The following VEGFC variants were observed in gnomAD, a reference collection of about 807,000 sequenced individuals.
VEGFC encodes vascular endothelial growth factor C.
In VEGFC, 12 loss-of-function variants were observed where a neutral mutation model predicts 46.1. That is an observed-to-expected ratio of 0.26 (90% CI 0.17 to 0.42). VEGFC has a LOEUF of 0.42. Ranked by LOEUF, VEGFC falls within the 10% of genes least tolerant of loss-of-function variation. VEGFC has a pLI of 1.00. For missense variants in VEGFC, 488 were observed against 529.4 expected, an observed-to-expected ratio of 0.92 and a Z score of 0.77; for synonymous variants, 232 against 195.5, an observed-to-expected ratio of 1.19 and a Z score of -1.56.
At chr4:176,753,379 G>A (rs1735371525) in intron 1 of VEGFC, among the ~76,000 whole-genome samples, 1 of 152,034 alleles carries the variant, frequency 6.6e-6, no homozygotes, top group Admixed American at 6.6e-5. Context: ...TGAGTCCATG[G>A]CAGCTGGAGT....
At position 176,693,348 on chromosome 4, in the gene VEGFC, G is replaced by A. The variant is rs1005774017; in HGVS notation, c.705-5421C>T. Among the ~76,000 whole-genome samples the A allele has an allele frequency of 1.0e-4, 14 of 135,822 alleles. 1 individual carries two copies. The highest frequency in any genetic ancestry group is 3.2e-4 in the African/African-American group (9 of 28,510). 89.1% of individuals were successfully genotyped at this position (135,822 alleles called of 152,430 possible). ...GAAGAATGCAGAAGCCTCAGGAGCC[G>A]ATGCAATCAACTGGAAGAAAGAGTA... On this transcript the variant is annotated intron_variant, in intron 4 of 6. Coordinates refer to ENST00000618562, the MANE Select transcript of VEGFC (RefSeq NM_005429.5).
At chr4:176,737,927 G>T (rs1735083934) in intron 1 of VEGFC, among the ~76,000 whole-genome samples, 1 of 151,752 alleles carries the variant, frequency 6.6e-6, no homozygotes, top group African/African-American at 2.4e-5. Flanking sequence ...GGTTGTGATG[G>T]TGATAATAAT....
At chr4:176,706,398 G>A (rs939050309) in intron 4 of VEGFC, among the ~76,000 whole-genome samples, 2 of 152,120 alleles carry the variant, frequency 1.3e-5, no homozygotes, top group East Asian at 1.9e-4. Flanking sequence ...GGAGGCCGAG[G>A]CGGGTAGATC....
intron 1 of VEGFC, among the ~76,000 whole-genome samples, chr4:176,777,911 T>G (rs1439540643): frequency 1.2e-5 from 1 of 86,196 alleles, no homozygotes; most frequent in Non-Finnish European, 2.0e-5. Context: ...AGAGCAAGAC[T>G]TTGTCTCAAA....
At chr4:176,731,113 C>T (rs567458693) in intron 1 of VEGFC, among the ~76,000 whole-genome samples, 2 of 152,006 alleles carry the variant, frequency 1.3e-5, no homozygotes, top group East Asian at 3.9e-4. Context: ...TGGGATGATT[C>T]CTGATACACC....
At chr4:176,707,080 T>C (rs944849908) in intron 4 of VEGFC, among the ~76,000 whole-genome samples, 1 of 152,208 alleles carries the variant, frequency 6.6e-6, no homozygotes, top group Non-Finnish European at 1.5e-5. Context: ...TCATTCTTTT[T>C]ACATTGCTCA....
chr4:176,790,788 GTTA>G (rs1736076717), intron 1 of VEGFC, among the ~76,000 whole-genome samples: 1 of 152,108 alleles, frequency 6.6e-6, no homozygotes, highest in Non-Finnish European at 1.5e-5. Context: ...TATCAGAAGC[GTTA>G]TTGAGCCGAT....
chr4:176,691,389 T>C (rs3775199), intron 4 of VEGFC, among the ~76,000 whole-genome samples: 35,366 of 152,076 alleles, frequency 0.23, 6,719 homozygotes, highest in African/African-American at 0.53. Flanking sequence ...AAGCAGGGAA[T>C]TGCACAATTA....
chr4:176,703,810 G>T (rs2110990058), intron 4 of VEGFC, among the ~76,000 whole-genome samples: 1 of 152,126 alleles, frequency 6.6e-6, no homozygotes, highest in East Asian at 1.9e-4. Context: ...AAAAGAAATG[G>T]ATTATATCCA....
At chr4:176,697,329 T>C (rs992724082) in intron 4 of VEGFC, among the ~76,000 whole-genome samples, 1 of 151,002 alleles carries the variant, frequency 6.6e-6, no homozygotes, top group Non-Finnish European at 1.5e-5. Context: ...GCGAAGGACA[T>C]GAACAGACAC....
chr4:176,760,830 G>A (rs1477696764), intron 1 of VEGFC, among the ~76,000 whole-genome samples: 5 of 152,230 alleles, frequency 3.3e-5, no homozygotes, highest in South Asian at 2.1e-4. Context: ...CCGAAGAAAT[G>A]CGATATTGAG....
intron 4 of VEGFC, among the ~76,000 whole-genome samples, chr4:176,697,711 G>A (rs371855306): frequency 0.02 from 3,058 of 150,070 alleles, 42 homozygotes; most frequent in Middle Eastern, 0.068. Context: ...CATTATTCAC[G>A]ATAGCAAAGA....
At chr4:176,733,001 C>T (rs545139133) in intron 1 of VEGFC, among the ~76,000 whole-genome samples, 5 of 151,826 alleles carry the variant, frequency 3.3e-5, no homozygotes, top group Admixed American at 2.6e-4. Flanking sequence ...AAGCAGTTTA[C>T]AAACCAACAA....
In VEGFC at chr4:176,695,118, A is replaced by G. The variant is rs1327794422; in HGVS notation, c.705-7191T>C. ...TTCAAAAGCTAGCAGAAGGCAAGAA[A>G]TAACTAAAATCAGAGCAGAACTGAA... is the stretch of plus-strand genomic sequence containing the variant. On this transcript the variant is annotated intron_variant, in intron 4 of 6. Coordinates refer to ENST00000618562, the MANE Select transcript of VEGFC (RefSeq NM_005429.5). Among the ~76,000 whole-genome samples the G allele has an allele frequency of 2.0e-5, 3 of 148,336 alleles. No homozygotes were observed. In the East Asian group the frequency reaches 6.0e-4, roughly 30 times the overall value.
chr4:176,694,045 T>G (rs1250297715), intron 4 of VEGFC, among the ~76,000 whole-genome samples: 1 of 151,044 alleles, frequency 6.6e-6, no homozygotes, highest in Non-Finnish European at 1.5e-5. Flanking sequence ...GTAAAGACCA[T>G]CGAGACTAGG....
chr4:176,790,544 C>T (rs1736072906), intron 1 of VEGFC, among the ~76,000 whole-genome samples: 1 of 152,086 alleles, frequency 6.6e-6, no homozygotes, highest in African/African-American at 2.4e-5. Flanking sequence ...CACACACACA[C>T]ACACACTCAA....
chr4:176,787,536 T>A (rs945544592), intron 1 of VEGFC, among the ~76,000 whole-genome samples: 25 of 150,152 alleles, frequency 1.7e-4, no homozygotes, highest in African/African-American at 5.4e-4. Context: ...CTATCGTGGA[T>A]AACTCCTAAC....
chr4:176,695,906 A>G (rs536861921), intron 4 of VEGFC, among the ~76,000 whole-genome samples: 1 of 151,720 alleles, frequency 6.6e-6, no homozygotes, highest in South Asian at 2.1e-4. Context: ...CAATAGATGC[A>G]GAAAAAGCCT....
intron 4 of VEGFC, among the ~76,000 whole-genome samples, chr4:176,694,674 A>G (rs1418446580): frequency 3.4e-5 from 5 of 149,168 alleles, no homozygotes; most frequent in Admixed American, 2.7e-4. Flanking sequence ...AATGGAATAT[A>G]TATTTTTTTC....
Sources: gnomAD v4.1 joint callset for allele counts (sites outside exome capture counted in the v4.1 genomes callset) on GRCh38, gnomAD v4.1.1 for gene constraint, MANE v1.5 for transcripts, NCBI Gene and HGNC (gene_info 2026-07-23, HGNC 2026-07-21) for gene names.